NXPE4: variants seen among roughly 807,000 people sequenced by gnomAD.
NXPE4 encodes the protein neurexophilin and PC-esterase domain family member 4, also known as NXPE family member 4.
In NXPE4, 42 loss-of-function variants were observed where a neutral mutation model predicts 33.3. That is an observed-to-expected ratio of 1.26 (90% CI 0.98 to 1.63). The LOEUF (loss-of-function observed/expected upper bound fraction) is 1.63, where lower values mean the gene tolerates loss of function less well. NXPE4 is among the 40% of genes most tolerant of loss of function. The pLI is 0.00. For synonymous variants in NXPE4, 253 were observed against 234.9 expected, an observed-to-expected ratio of 1.08 and a Z score of -0.71; for missense variants, 709 against 647.6, an observed-to-expected ratio of 1.09 and a Z score of -1.03.
the NXPE4 span, among the ~76,000 whole-genome samples, chr11:114,625,822 C>A: frequency 6.6e-6 from 1 of 152,002 alleles, no homozygotes; most frequent in South Asian, 2.1e-4. Flanking sequence ...GTGAGCACAC[C>A]ACGTGCAAGC....
At chr11:114,673,524 A>G in the NXPE4 span, among the ~76,000 whole-genome samples, 1 of 151,788 alleles carries the variant, frequency 6.6e-6, no homozygotes, top group Non-Finnish European at 1.5e-5. Context: ...AAAATCATTG[A>G]AACCAAAAAA....
the NXPE4 span, among the ~76,000 whole-genome samples, chr11:114,673,749 G>C: frequency 1.3e-5 from 2 of 151,750 alleles, no homozygotes; most frequent in African/African-American, 4.8e-5. Context: ...TGTTCCCAAA[G>C]AGCTGTAATT....
chr11:114,591,531 G>A (rs1256099136), intron 2 of NXPE4, among the ~76,000 whole-genome samples: 1 of 152,096 alleles, frequency 6.6e-6, no homozygotes, highest in Non-Finnish European at 1.5e-5. Context: ...TCAACTTGAA[G>A]CCCCTCTAAC....
the NXPE4 span, among the ~76,000 whole-genome samples, chr11:114,621,739 G>T: frequency 3.4e-5 from 5 of 148,574 alleles, no homozygotes; most frequent in African/African-American, 9.8e-5. Flanking sequence ...GGGTAACCAC[G>T]GTTAACTGCT....
In NXPE4 at chr11:114,582,647, G is replaced by A; in HGVS notation, c.471C>T (p.Asp157=). The A allele has an allele frequency of 1.2e-6, 2 of 1,614,154 alleles. No homozygotes were observed. The highest frequency in any genetic ancestry group is 2.2e-5 in the South Asian group (2 of 91,078). The change falls in exon 3 of 6, where the codon GAC becomes GAT. Residue 157 remains aspartate, a synonymous_variant. Transcript: ENST00000375478. ...LMAGASGKVT[D]FNNGTYLVSF... ...TGACCAGGTAGGTGCCGTTGTTGAA[G>A]TCAGTCACCTTTCCTGAAGCACCTG... is the stretch of plus-strand genomic sequence containing the variant.
intron 3 of NXPE4, 118 bp from the exon 4 acceptor site, chr11:114,581,904 C>A: frequency 1.4e-6 from 1 of 703,794 alleles, no homozygotes. Context: ...ATTATGCCTA[C>A]AGTTTCAGGC....
At chr11:114,620,165 T>TGA in the NXPE4 span, among the ~76,000 whole-genome samples, 1 of 152,030 alleles carries the variant, frequency 6.6e-6, no homozygotes, top group Non-Finnish European at 1.5e-5. Context: ...ATGATAAATA[T>TGA]TGCCTCATGG....
At chr11:114,628,287 A>C in the NXPE4 span, among the ~76,000 whole-genome samples, 3 of 151,352 alleles carry the variant, frequency 2.0e-5, no homozygotes, top group Non-Finnish European at 2.9e-5. Flanking sequence ...TCTCCTCAGA[A>C]AATGTAAAAG....
At chr11:114,634,283 G>A in the NXPE4 span, among the ~76,000 whole-genome samples, 3 of 152,058 alleles carry the variant, frequency 2.0e-5, no homozygotes, top group East Asian at 1.9e-4. Context: ...GTCTGTTCAT[G>A]TCCTTTGCCC....
intron 2 of NXPE4, among the ~76,000 whole-genome samples, chr11:114,589,582 T>C (rs1949393269): frequency 6.6e-6 from 1 of 152,178 alleles, no homozygotes; most frequent in Admixed American, 6.5e-5. Flanking sequence ...TGGGCCAGCA[T>C]ACTTATAGCC....
At chr11:114,617,670 T>C in the NXPE4 span, among the ~76,000 whole-genome samples, 3 of 152,144 alleles carry the variant, frequency 2.0e-5, no homozygotes, top group Non-Finnish European at 4.4e-5. Context: ...GTAACCACTG[T>C]TACCCGGTGG....
At chr11:114,600,135 A>C (rs1949620631), upstream of NXPE4, among the ~76,000 whole-genome samples, 1 of 152,158 alleles carries the variant, frequency 6.6e-6, no homozygotes, top group Non-Finnish European at 1.5e-5. Flanking sequence ...AAGTTTGAAG[A>C]AAAACAAGTT....
the NXPE4 span, among the ~76,000 whole-genome samples, chr11:114,642,738 C>A: frequency 6.6e-6 from 1 of 151,956 alleles, no homozygotes; most frequent in Non-Finnish European, 1.5e-5. Context: ...GTGCATGTGT[C>A]TTTATAGTAG....
chr11:114,634,485 A>G, the NXPE4 span, among the ~76,000 whole-genome samples: 3 of 151,976 alleles, frequency 2.0e-5, 1 homozygote, highest in Non-Finnish European at 4.4e-5. Context: ...CCACTTGTCA[A>G]TTTTGGCTTT....
At chr11:114,592,286 G>A (rs926537185) in intron 2 of NXPE4, among the ~76,000 whole-genome samples, 1 of 152,110 alleles carries the variant, frequency 6.6e-6, no homozygotes, top group African/African-American at 2.4e-5. Flanking sequence ...ATAGACTTCA[G>A]TGAAAAACTG....
chr11:114,613,078 G>T, the NXPE4 span, among the ~76,000 whole-genome samples: 2 of 151,648 alleles, frequency 1.3e-5, no homozygotes, highest in South Asian at 2.1e-4. Context: ...ACTGTTACCC[G>T]GTGGATAATA....
the NXPE4 span, among the ~76,000 whole-genome samples, chr11:114,644,704 A>T: frequency 7.2e-5 from 11 of 152,068 alleles, no homozygotes; most frequent in Non-Finnish European, 1.5e-4. Context: ...TTCCCCCTCA[A>T]ATTTTATCAA....
the NXPE4 span, among the ~76,000 whole-genome samples, chr11:114,627,663 A>G: frequency 6.6e-6 from 1 of 151,904 alleles, no homozygotes. Context: ...AAATTCACAC[A>G]TAACAATATT....
At chr11:114,633,197 T>C in the NXPE4 span, among the ~76,000 whole-genome samples, 1 of 129,982 alleles carries the variant, frequency 7.7e-6, no homozygotes, top group African/African-American at 3.0e-5. Flanking sequence ...TTTTATTATG[T>C]ATAAACATGT....
Sources: allele counts gnomAD v4.1 joint callset (sites outside exome capture counted in the v4.1 genomes callset), GRCh38; gene constraint gnomAD v4.1.1; transcripts MANE v1.5; gene names NCBI Gene and HGNC (gene_info 2026-07-23, HGNC 2026-07-21).